The following RAD17 variants were observed in gnomAD, a reference collection of about 807,000 sequenced individuals.
RAD17 encodes RAD17 checkpoint clamp loader component.
RAD17 carries 31 observed loss-of-function variants against 81.5 expected under a neutral mutation model. That is an observed-to-expected ratio of 0.38 (90% CI 0.29 to 0.51). RAD17 has a LOEUF of 0.51. Ranked by LOEUF, RAD17 falls within the 20% of genes least tolerant of loss-of-function variation. RAD17 has a pLI of 0.88. For synonymous variants in RAD17, 261 were observed against 266.2 expected, an observed-to-expected ratio of 0.98 and a Z score of 0.19; for missense variants, 681 against 781.2, an observed-to-expected ratio of 0.87 and a Z score of 1.53.
chr5:69,393,079 C>G, intron 13 of RAD17, 76 bp from the exon 14 acceptor site: 1 of 958,426 alleles, frequency 1.0e-6, no homozygotes, highest in Non-Finnish European at 1.6e-6. Flanking sequence ...CTAAAATTTT[C>G]AAACTCTTCA....
chr5:69,410,916 A>G (rs907683127), intron 18 of RAD17, among the ~76,000 whole-genome samples: 2 of 142,956 alleles, frequency 1.4e-5, no homozygotes, highest in East Asian at 2.1e-4. Context: ...AGAGTCCTTC[A>G]TATTTTCTTA....
At chr5:69,386,499 A>C in intron 11 of RAD17, 34 bp downstream of exon 11, 1 of 1,527,074 alleles carries the variant, frequency 6.5e-7, no homozygotes, top group Admixed American at 2.3e-5. Flanking sequence ...TTACTCGATA[A>C]CTATAGAAAG....
chr5:69,389,062 A>G lies in RAD17; in HGVS notation c.923A>G (p.Lys308Arg). The change falls in exon 12 of 19, where the codon AAA (lysine) becomes AGA (arginine). Residue 308 changes from lysine to arginine, a missense_variant. By Grantham distance (26) the Lys-to-Arg change is conservative. Transcript: ENST00000354868. ...GGAGGAAAAATTACTGTCCCTGACAAAACTTCTCTAGAGTTGCTCTGTCAG... is the reference window on the plus strand; with the variant it reads ...GGAGGAAAAATTACTGTCCCTGACAGAACTTCTCTAGAGTTGCTCTGTCAG... ...KNGGKITVPD[K>R]TSLELLCQGC... 1.3e-6 allele frequency: 2 copies of G among 1,521,912 alleles called. No homozygotes were observed. The highest frequency in any genetic ancestry group is 4.8e-5 in the East Asian group (2 of 41,446). 94.3% of individuals were successfully genotyped at this position (1,521,912 alleles called of 1,614,324 possible). A position where few individuals can be genotyped will look rare whatever the true frequency, so the allele number is the denominator to read the frequency against.
intron 16 of RAD17, 27 bp downstream of exon 16, chr5:69,396,573 C>CT: frequency 7.2e-7 from 1 of 1,380,640 alleles, no homozygotes; most frequent in Non-Finnish European, 9.8e-7. Context: ...AAATTCTGTA[C>CT]TTTCAATATG....
intron 8 of RAD17, among the ~76,000 whole-genome samples, chr5:69,385,250 A>G (rs564756767): frequency 8.6e-4 from 123 of 142,404 alleles, no homozygotes; most frequent in Non-Finnish European, 1.2e-3. Context: ...GTGAGCCACC[A>G]TGCCTGGCCT....
intron 8 of RAD17, 55 bp downstream of exon 8, chr5:69,384,988 G>A: frequency 1.4e-6 from 2 of 1,387,892 alleles, no homozygotes; most frequent in Non-Finnish European, 1.9e-6. Flanking sequence ...GAGTCTTGCT[G>A]TGTCACTGTC....
intron 4 of RAD17, among the ~76,000 whole-genome samples, chr5:69,372,895 C>T (rs1331301735): frequency 6.6e-6 from 1 of 152,172 alleles, no homozygotes; most frequent in Non-Finnish European, 1.5e-5. Flanking sequence ...TAGGTGTGAG[C>T]TACCACACCC....
In RAD17 at chr5:69,414,082, C is replaced by G. The variant is rs201298698; in HGVS notation, c.1803C>G (p.Asp601Glu). The G allele has an allele frequency of 5.8e-4, 936 of 1,614,082 alleles. No individual in the cohort carries two copies. The highest frequency in any genetic ancestry group is 7.3e-4 in the Non-Finnish European group (861 of 1,180,016). The change falls in exon 19 of 19, where the codon GAC (aspartate) becomes GAG (glutamate). Residue 601 changes from aspartate to glutamate, a missense_variant. Coordinates refer to ENST00000354868, the MANE Select transcript of RAD17 (RefSeq NM_133338.3). ...TDREHGMIDP[D>E]SGDEAQLNGG... ...GGGAACATGGAATGATAGACCCTGA[C>G]AGCGGAGATGAAGCCCAGCTTAATG...
At chr5:69,371,658 C>G in intron 3 of RAD17, 101 bp downstream of exon 3, 1 of 558,206 alleles carries the variant, frequency 1.8e-6, no homozygotes, top group Non-Finnish European at 2.7e-6. Flanking sequence ...AGTAATAGAG[C>G]CGAGTATCTA....
intron 18 of RAD17, among the ~76,000 whole-genome samples, chr5:69,411,298 C>T (rs886832091): frequency 6.6e-6 from 1 of 151,874 alleles, no homozygotes; most frequent in African/African-American, 2.4e-5. Context: ...GTAATCCCAG[C>T]TACTCAGGAG....
chr5:69,410,466 T>G, intron 17 of RAD17, 27 bp from the exon 18 acceptor site: 1 of 1,591,408 alleles, frequency 6.3e-7, no homozygotes, highest in African/African-American at 1.3e-5. Context: ...GGAAAATTGT[T>G]TACAACTTTT....
rs767107512 is a variant in RAD17 at position 69,381,911 on chromosome 5, T to C, written c.362T>C (p.Ile121Thr). ...LERQPKQGGS[I>T]LLITGPPGCG... ...TGTATTTGATTTTAGGGTGGATCTA[T>C]TTTATTAATAACAGGTCCTCCTGGA... The change falls in exon 7 of 19, where the codon ATT (isoleucine) becomes ACT (threonine). Residue 121 changes from isoleucine (I) to threonine (T), a missense_variant. Physicochemically the swap from Ile to Thr is moderately conservative, Grantham distance 89. Coordinates refer to ENST00000354868, the MANE Select transcript of RAD17 (RefSeq NM_133338.3). 6.3e-7 allele frequency: 1 copy of C among 1,592,396 alleles called. No individual in the cohort carries two copies. The highest frequency in any genetic ancestry group is 8.5e-7 in the Non-Finnish European group (1 of 1,170,122).
At chr5:69,397,359 C>T (rs1158189642) in intron 16 of RAD17, among the ~76,000 whole-genome samples, 3 of 151,764 alleles carry the variant, frequency 2.0e-5, no homozygotes, top group African/African-American at 7.3e-5. Context: ...CCAGGCTGTT[C>T]TTGAACTCCT....
At chr5:69,398,868 T>TAAAAAAAAAAA (rs72281552) in intron 16 of RAD17, among the ~76,000 whole-genome samples, 1 of 109,870 alleles carries the variant, frequency 9.1e-6, no homozygotes, top group Non-Finnish European at 1.8e-5. Flanking sequence ...ATCTCCTGGT[T>TAAAAAAAAAAA]AAAAAAAAAA....
intron 4 of RAD17, among the ~76,000 whole-genome samples, chr5:69,373,421 C>T (rs531004522): frequency 1.4e-4 from 22 of 152,050 alleles, no homozygotes; most frequent in African/African-American, 4.8e-4. Flanking sequence ...ATTTTTAGGC[C>T]GGGTATGGTG....
chr5:69,369,567 G>A, upstream of RAD17: 2 of 1,607,052 alleles, frequency 1.2e-6, no homozygotes, highest in Non-Finnish European at 1.7e-6. Context: ...AGGGGCGGGC[G>A]GCAGCAAAAG....
chr5:69,399,458 A>G (rs1460102328), intron 16 of RAD17, among the ~76,000 whole-genome samples: 1 of 152,186 alleles, frequency 6.6e-6, no homozygotes, highest in Non-Finnish European at 1.5e-5. Context: ...GATGTCTTCC[A>G]GTTCTAAAAT....
intron 17 of RAD17, among the ~76,000 whole-genome samples, chr5:69,401,299 ACTCTT>A (rs1320579167): frequency 6.6e-6 from 1 of 152,080 alleles, no homozygotes; most frequent in African/African-American, 2.4e-5. Flanking sequence ...TCTTCCAGAT[ACTCTT>A]CTGTGGATGT....
intron 18 of RAD17, among the ~76,000 whole-genome samples, chr5:69,410,965 C>CCATATATA (rs1554044687): frequency 0.13 from 11,321 of 90,074 alleles, 1,290 homozygotes; most frequent in East Asian, 0.2. Context: ...AGATGTCTGT[C>CCATATATA]TATATATATA....
Sources: gnomAD v4.1 joint callset for allele counts (sites outside exome capture counted in the v4.1 genomes callset) on GRCh38, gnomAD v4.1.1 for gene constraint, MANE v1.5 for transcripts, NCBI Gene and HGNC (gene_info 2026-07-23, HGNC 2026-07-21) for gene names.